The following SV2C variants were observed in gnomAD, a reference collection of about 807,000 sequenced individuals.
SV2C encodes the protein solute carrier family 22 member B3.
A neutral mutation model predicts 79.7 loss-of-function variants in SV2C; 49 were observed. That is an observed-to-expected ratio of 0.61 (90% confidence interval 0.49 to 0.78). The LOEUF (loss-of-function observed/expected upper bound fraction) is 0.78. SV2C is among the 30% of genes least tolerant of loss of function. The pLI is 0.00. For missense variants in SV2C, 833 were observed against 912.9 expected (o/e 0.91, Z 1.13); for synonymous variants, 334 against 333.2 (o/e 1.00, Z -0.03).
chr5:76,245,481 C>T (rs928618075), intron 4 of SV2C, among the ~76,000 whole-genome samples: 4 of 152,148 alleles, frequency 2.6e-5, no homozygotes, highest in African/African-American at 9.7e-5. Context: ...AGCAGGAAGC[C>T]ACTTTTATGG....
At chr5:75,904,290 G>A in the SV2C span, among the ~76,000 whole-genome samples, 2,521 of 152,160 alleles carry the variant, frequency 0.017, 36 homozygotes, top group African/African-American at 0.043. Flanking sequence ...AAAAGAACCA[G>A]CTCACTGAAT....
At chr5:75,915,458 G>C in the SV2C span, among the ~76,000 whole-genome samples, 26 of 152,140 alleles carry the variant, frequency 1.7e-4, no homozygotes, top group Non-Finnish European at 2.5e-4. Flanking sequence ...AATCAGTTAA[G>C]CTTTCTGGTT....
intron 12 of SV2C, 149 bp downstream of exon 12, chr5:76,301,694 T>C (rs995493594): frequency 3.6e-6 from 3 of 839,824 alleles, no homozygotes; most frequent in Non-Finnish European, 5.2e-6. Flanking sequence ...GGATCACCTG[T>C]GGTCAGGAGT....
At chr5:76,116,430 C>T (rs1018643023) in intron 1 of SV2C, among the ~76,000 whole-genome samples, 1 of 152,154 alleles carries the variant, frequency 6.6e-6, no homozygotes, top group Non-Finnish European at 1.5e-5. Context: ...CTTTTAAACC[C>T]AGGAGAGGGA....
the SV2C span, among the ~76,000 whole-genome samples, chr5:76,050,043 T>A: frequency 6.7e-4 from 102 of 152,128 alleles, no homozygotes; most frequent in Non-Finnish European, 9.6e-4. Context: ...GAATTCCTCA[T>A]TTGCAAAATG....
chr5:76,183,549 T>C (rs1245032520), intron 2 of SV2C, among the ~76,000 whole-genome samples: 1 of 152,176 alleles, frequency 6.6e-6, no homozygotes, highest in Non-Finnish European at 1.5e-5. Flanking sequence ...TTGCAGTTTA[T>C]CCTTGCAGTT....
chr5:76,189,746 GGAGT>G lies in SV2C; in HGVS notation c.581-5169_581-5166del, dbSNP rs372288954. Reference sequence around the variant, plus strand: ...TTTTAGTCTTAAGTTTCTTTAAAGTGGAGTGAGACCGTAAAAACACATGTGCCTC... The same window carrying G: ...TTTTAGTCTTAAGTTTCTTTAAAGTGGAGACCGTAAAAACACATGTGCCTC... On this transcript the variant is annotated intron_variant, in intron 2 of 12. Coordinates refer to ENST00000502798, the MANE Select transcript of SV2C (RefSeq NM_014979.4). 3.7e-4 allele frequency among the ~76,000 whole-genome samples: 56 copies of G among 152,230 alleles called. 2 individuals carry two copies. In the East Asian group the frequency reaches 9.3e-3, roughly 25 times the overall value.
the SV2C span, among the ~76,000 whole-genome samples, chr5:76,059,237 A>T: frequency 6.6e-6 from 1 of 152,046 alleles, no homozygotes; most frequent in Non-Finnish European, 1.5e-5. Flanking sequence ...TAGCTGTGAC[A>T]ATTTCTTAAA....
At chr5:76,336,298 G>C (rs1013699385), downstream of SV2C, among the ~76,000 whole-genome samples, 1 of 151,838 alleles carries the variant, frequency 6.6e-6, no homozygotes, top group African/African-American at 2.4e-5. Context: ...CAGACGGGGC[G>C]GCCGGGCAGA....
chr5:75,992,936 A>G, the SV2C span, among the ~76,000 whole-genome samples: 1 of 152,154 alleles, frequency 6.6e-6, no homozygotes, highest in South Asian at 2.1e-4. Context: ...AAAACCTTAC[A>G]TTAAAGGAAC....
At chr5:76,133,991 T>C (rs1479488814) in intron 2 of SV2C, among the ~76,000 whole-genome samples, 1 of 152,204 alleles carries the variant, frequency 6.6e-6, no homozygotes, top group Non-Finnish European at 1.5e-5. Flanking sequence ...CCATTTATAC[T>C]GGAAAGACTA....
chr5:75,910,327 G>C, the SV2C span: 1 of 542,994 alleles, frequency 1.8e-6, no homozygotes, highest in Admixed American at 2.0e-5. Context: ...GCTCCTCGTA[G>C]TCTTCCCAAA....
chr5:76,043,574 C>G, the SV2C span, among the ~76,000 whole-genome samples: 1 of 152,202 alleles, frequency 6.6e-6, no homozygotes, highest in Non-Finnish European at 1.5e-5. Flanking sequence ...TAGTAATAAT[C>G]TCCCAACCCC....
intron 4 of SV2C, 148 bp from the exon 5 acceptor site, chr5:76,285,014 G>C: frequency 8.5e-7 from 1 of 1,178,010 alleles, no homozygotes; most frequent in Non-Finnish European, 1.2e-6. Context: ...AGCTGAGCTG[G>C]CCACCATGGA....
At chr5:76,264,093 T>A (rs1263314342) in intron 4 of SV2C, among the ~76,000 whole-genome samples, 1 of 152,146 alleles carries the variant, frequency 6.6e-6, no homozygotes, top group East Asian at 1.9e-4. Context: ...TTTGGTCTTT[T>A]CACATAGTCC....
At chr5:75,971,536 C>T in the SV2C span, among the ~76,000 whole-genome samples, 4 of 152,166 alleles carry the variant, frequency 2.6e-5, no homozygotes, top group African/African-American at 9.6e-5. Context: ...CAATAACAGA[C>T]AAACAGATAG....
chr5:75,943,450 A>G, the SV2C span, among the ~76,000 whole-genome samples: 4 of 151,984 alleles, frequency 2.6e-5, no homozygotes, highest in Admixed American at 2.0e-4. Flanking sequence ...TCAGAACACA[A>G]TGTTCTCTTC....
At chr5:76,222,739 A>G (rs1284994550) in intron 4 of SV2C, among the ~76,000 whole-genome samples, 2 of 152,208 alleles carry the variant, frequency 1.3e-5, no homozygotes, top group African/African-American at 4.8e-5. Flanking sequence ...TCAAAATAAA[A>G]AGTAGAAAAC....
chr5:76,283,485 TA>T (rs1747257485), intron 4 of SV2C, among the ~76,000 whole-genome samples: 1 of 152,204 alleles, frequency 6.6e-6, no homozygotes, highest in South Asian at 2.1e-4. Context: ...TTCAGTGCCT[TA>T]AAGTAATAGG....
Sources: allele counts gnomAD v4.1 joint callset (sites outside exome capture counted in the v4.1 genomes callset), GRCh38; gene constraint gnomAD v4.1.1; transcripts MANE v1.5; gene names NCBI Gene and HGNC (gene_info 2026-07-23, HGNC 2026-07-21).